HIVEP2: variants seen among roughly 807,000 people sequenced by gnomAD.
HIVEP2 encodes HIVEP zinc finger 2, also known as transcription factor HIVEP2.
HIVEP2 carries 14 observed loss-of-function variants against 180.7 expected under a neutral mutation model. The observed-to-expected ratio is 0.08, with a 90% CI of 0.05 to 0.12. The LOEUF is 0.12. HIVEP2 is among the 10% of genes least tolerant of loss of function. The pLI, the probability that HIVEP2 is intolerant of heterozygous loss-of-function variation, is 1.00. For synonymous variants in HIVEP2, 1,184 were observed against 1,136.4 expected, an observed-to-expected ratio of 1.04 and a Z score of -0.84; for missense variants, 2,579 against 3,008.5, an observed-to-expected ratio of 0.86 and a Z score of 3.34.
chr6:142,836,673 T>G (rs188341936), intron 2 of HIVEP2, among the ~76,000 whole-genome samples: 1 of 152,284 alleles, frequency 6.6e-6, no homozygotes, highest in Admixed American at 6.5e-5. Flanking sequence ...AAATCATCAT[T>G]AATACATCAA....
chr6:142,859,043 C>T lies in HIVEP2; in HGVS notation c.-640-21996G>A, dbSNP rs569571756. On this transcript the variant is annotated intron_variant, in intron 1 of 9. Transcript: ENST00000367603. ...TGGCACATAACAAGTGCTCAATAAA[C>T]ATTTGATGGGTGTTGTTAAATGAAT... Among the ~76,000 whole-genome samples, 4 of 152,276 alleles carry T rather than the reference C, an allele frequency of 2.6e-5. No homozygotes were observed. In the South Asian group the frequency reaches 6.2e-4, roughly 24 times the overall value.
intron 1 of HIVEP2, among the ~76,000 whole-genome samples, chr6:142,937,215 T>C (rs1338109374): frequency 6.6e-6 from 1 of 152,254 alleles, no homozygotes; most frequent in Non-Finnish European, 1.5e-5. Context: ...AACTGTTAAA[T>C]GTGAAACCAT....
intron 1 of HIVEP2, among the ~76,000 whole-genome samples, chr6:142,936,776 A>T (rs1262998621): frequency 6.6e-6 from 1 of 152,168 alleles, no homozygotes; most frequent in African/African-American, 2.4e-5. Context: ...ATTAGCCATA[A>T]AAAGTTTCTA....
At chr6:142,853,498 C>T (rs1342885158) in intron 1 of HIVEP2, among the ~76,000 whole-genome samples, 1 of 152,184 alleles carries the variant, frequency 6.6e-6, no homozygotes, top group Non-Finnish European at 1.5e-5. Flanking sequence ...GTCATAAATA[C>T]TGGTTGGCAT....
intron 1 of HIVEP2, among the ~76,000 whole-genome samples, chr6:142,890,797 T>C (rs1402308445): frequency 6.6e-6 from 1 of 152,214 alleles, no homozygotes; most frequent in Non-Finnish European, 1.5e-5. Flanking sequence ...TGTATATTAC[T>C]ACAGAAAATA....
rs79541248 is a variant in HIVEP2 at position 142,907,637 on chromosome 6, G to A, written c.-641+37462C>T. ...CAGCCTGTTAACAAGCCTCCTTTTG[G>A]GGCTCTCGATTCATGGAGCTGGAGC... On this transcript the variant is annotated intron_variant, in intron 1 of 9. Transcript: ENST00000367603. Among the ~76,000 whole-genome samples, 14 of 152,184 alleles carry A rather than the reference G, an allele frequency of 9.2e-5. No homozygotes were observed. In the East Asian group the frequency reaches 2.5e-3, roughly 27 times the overall value.
intron 2 of HIVEP2, among the ~76,000 whole-genome samples, chr6:142,829,171 A>T (rs1775004105): frequency 6.6e-6 from 1 of 152,086 alleles, no homozygotes; most frequent in African/African-American, 2.4e-5. Flanking sequence ...AGTTTTTCTA[A>T]TGCCTACCAA....
intron 1 of HIVEP2, among the ~76,000 whole-genome samples, chr6:142,842,197 G>T (rs1035353389): frequency 2.0e-5 from 3 of 152,086 alleles, no homozygotes; most frequent in Non-Finnish European, 4.4e-5. Flanking sequence ...TCTTATTTCT[G>T]CTATCTGTGA....
At chr6:142,856,787 A>G (rs1365184113) in intron 1 of HIVEP2, among the ~76,000 whole-genome samples, 1 of 152,208 alleles carries the variant, frequency 6.6e-6, no homozygotes, top group Non-Finnish European at 1.5e-5. Flanking sequence ...GATGACACAA[A>G]GAAATGACCT....
intron 1 of HIVEP2, among the ~76,000 whole-genome samples, chr6:142,860,561 T>C (rs997329914): frequency 6.6e-6 from 1 of 152,214 alleles, no homozygotes; most frequent in African/African-American, 2.4e-5. Context: ...GAAAACTAGA[T>C]GGTCCTATCT....
chr6:142,776,616 G>A (rs1775707120), intron 3 of HIVEP2, among the ~76,000 whole-genome samples: 1 of 150,316 alleles, frequency 6.7e-6, no homozygotes, highest in Admixed American at 6.6e-5. Flanking sequence ...CTGCAGCCTC[G>A]ACCTCCCTGA....
At chr6:142,939,869 T>C (rs1254937966) in intron 1 of HIVEP2, among the ~76,000 whole-genome samples, 2 of 152,150 alleles carry the variant, frequency 1.3e-5, no homozygotes, top group African/African-American at 4.8e-5. Context: ...ATCTCCTACA[T>C]TATATAAATT....
intron 1 of HIVEP2, among the ~76,000 whole-genome samples, chr6:142,856,531 G>C (rs2114939891): frequency 6.6e-6 from 1 of 152,346 alleles, no homozygotes. Context: ...AGCTGGAGAG[G>C]GGGCCTTGCT....
chr6:142,907,442 A>G (rs9403419), intron 1 of HIVEP2, among the ~76,000 whole-genome samples: 10,858 of 152,220 alleles, frequency 0.071, 495 homozygotes, highest in East Asian at 0.17. Context: ...AATTTGGGGG[A>G]AGAAAGGGTC....
chr6:142,815,748 A>G lies in HIVEP2; in HGVS notation c.-528+21187T>C, dbSNP rs1319841777. ...CATGCATGGTCTTGTTTAATTCTAG[A>G]TAATTTAGATGACTCCACAAGAGTC... On this transcript the variant is annotated intron_variant, in intron 2 of 9. Coordinates refer to ENST00000367603, the MANE Select transcript of HIVEP2 (RefSeq NM_006734.4). 2.0e-5 allele frequency among the ~76,000 whole-genome samples: 3 copies of G among 152,226 alleles called. No homozygotes were observed. The East Asian group carries it at 5.8e-4, about 29-fold the overall frequency.
chr6:142,810,465 A>C (rs1297199364), intron 2 of HIVEP2, among the ~76,000 whole-genome samples: 1 of 152,206 alleles, frequency 6.6e-6, no homozygotes, highest in Non-Finnish European at 1.5e-5. Context: ...TTTATAGAAA[A>C]ACATGCAAAA....
chr6:142,900,058 T>C (rs1777094996), intron 1 of HIVEP2, among the ~76,000 whole-genome samples: 2 of 152,178 alleles, frequency 1.3e-5, no homozygotes, highest in South Asian at 4.1e-4. Context: ...ACAATAAATC[T>C]TAATAAAAGG....
chr6:142,903,187 T>C (rs1046394658), intron 1 of HIVEP2, among the ~76,000 whole-genome samples: 1 of 152,242 alleles, frequency 6.6e-6, no homozygotes, highest in Non-Finnish European at 1.5e-5. Context: ...TAAATGTTCA[T>C]TGGAGACACT....
intron 2 of HIVEP2, among the ~76,000 whole-genome samples, chr6:142,811,856 A>T (rs1776707948): frequency 6.6e-6 from 1 of 152,252 alleles, no homozygotes; most frequent in Admixed American, 6.5e-5. Flanking sequence ...CCTCAGATGA[A>T]CATGGAGTAG....
Sources: gnomAD v4.1 joint callset for allele counts (sites outside exome capture counted in the v4.1 genomes callset) on GRCh38, gnomAD v4.1.1 for gene constraint, MANE v1.5 for transcripts, NCBI Gene and HGNC (gene_info 2026-07-23, HGNC 2026-07-21) for gene names.